The following TRERF1 variants were observed in gnomAD, a reference collection of about 807,000 sequenced individuals.
TRERF1 encodes transcriptional regulating factor 1.
In TRERF1, 27 loss-of-function variants were observed where a neutral mutation model predicts 122.9. The observed-to-expected ratio is 0.22, with a 90% CI of 0.16 to 0.30. The LOEUF (loss-of-function observed/expected upper bound fraction) is 0.30, where lower values mean the gene tolerates loss of function less well. Among genes scored for constraint, TRERF1 ranks in the 10% least tolerant of loss-of-function variants. The pLI, the probability that TRERF1 is intolerant of heterozygous loss-of-function variation, is 1.00. For synonymous variants in TRERF1, 636 were observed against 641.7 expected, an observed-to-expected ratio of 0.99 and a Z score of 0.13; for missense variants, 1,248 against 1,560.3, an observed-to-expected ratio of 0.80 and a Z score of 3.37.
At chr6:42,359,656 G>A (rs976545572) in intron 3 of TRERF1, among the ~76,000 whole-genome samples, 3 of 152,208 alleles carry the variant, frequency 2.0e-5, no homozygotes, top group South Asian at 2.1e-4. Context: ...CCTGGGAGGC[G>A]GAGGTTGCAG....
intron 2 of TRERF1, among the ~76,000 whole-genome samples, chr6:42,395,331 G>A (rs1778414040): frequency 6.6e-6 from 1 of 152,176 alleles, no homozygotes; most frequent in African/African-American, 2.4e-5. Flanking sequence ...GGTAGAGCAG[G>A]GCTAAATTCA....
At chr6:42,361,707 A>T (rs1172064258) in intron 3 of TRERF1, among the ~76,000 whole-genome samples, 6 of 152,134 alleles carry the variant, frequency 3.9e-5, no homozygotes, top group Admixed American at 3.9e-4. Flanking sequence ...CGTCCTTATA[A>T]TCCAAGTGAC....
rs1400869929 is a variant in TRERF1, at chr6:42,268,217, C to T, written c.1374G>A (p.Gly458=). Reference sequence around the variant, plus strand: ...GAGGCCCCATGTTGTTGAGGTGGATCCCACTGGGGGATAGGAGGGGGCGAT... The same window carrying T: ...GAGGCCCCATGTTGTTGAGGTGGATTCCACTGGGGGATAGGAGGGGGCGAT... Residue 458 remains glycine (G), a synonymous_variant, in exon 5 of 18, where the codon GGG becomes GGA. Transcript: ENST00000372922. The surrounding 1 kb of genome is among the most constrained non-coding windows in gnomAD (Gnocchi z 4.4). 1 of 1,480,378 alleles carries T rather than the reference C, an allele frequency of 6.8e-7. No individual in the cohort carries two copies. The highest frequency in any genetic ancestry group is 9.0e-7 in the Non-Finnish European group (1 of 1,114,802). The allele number at this position is 1,480,378 out of a possible 1,614,324, so 91.7% of individuals were successfully genotyped here.
chr6:42,286,703 A>G (rs1288079311), intron 4 of TRERF1, among the ~76,000 whole-genome samples: 91 of 102,972 alleles, frequency 8.8e-4, no homozygotes, highest in African/African-American at 3.6e-3. Flanking sequence ...GGGACTGTAA[A>G]CTAGTTCAAC....
intron 2 of TRERF1, among the ~76,000 whole-genome samples, chr6:42,405,554 G>A (rs1700730732): frequency 1.3e-5 from 2 of 152,058 alleles, no homozygotes; most frequent in African/African-American, 2.4e-5. Context: ...CAGCATTTTG[G>A]GAGGCCGAGG....
chr6:42,311,765 CAAAAAAAA>C (rs10530333), intron 3 of TRERF1, among the ~76,000 whole-genome samples: 21 of 34,594 alleles, frequency 6.1e-4, no homozygotes, highest in African/African-American at 1.6e-3. Flanking sequence ...GACTCCGTCT[CAAAAAAAA>C]AAAAAAAAAA....
At chr6:42,373,599 G>A (rs1353366789) in intron 2 of TRERF1, among the ~76,000 whole-genome samples, 8 of 152,050 alleles carry the variant, frequency 5.3e-5, no homozygotes, top group Non-Finnish European at 1.5e-5. Context: ...CCCCAGAGGC[G>A]GAGCTTGCAG....
chr6:42,424,615 G>A (rs1361012931), intron 2 of TRERF1, among the ~76,000 whole-genome samples: 1 of 152,144 alleles, frequency 6.6e-6, no homozygotes, highest in Non-Finnish European at 1.5e-5. Context: ...CAAAGCAGCT[G>A]CATCAAGTTA....
At chr6:42,257,504 C>T (rs775887092) in intron 10 of TRERF1, among the ~76,000 whole-genome samples, 39 of 152,216 alleles carry the variant, frequency 2.6e-4, no homozygotes, top group South Asian at 8.3e-4. Flanking sequence ...CCCATCCGAA[C>T]CTCACAGAGA....
intron 2 of TRERF1, among the ~76,000 whole-genome samples, chr6:42,410,359 G>C (rs972440374): frequency 6.6e-6 from 1 of 151,788 alleles, no homozygotes; most frequent in African/African-American, 2.4e-5. Flanking sequence ...ATGTTGCCCA[G>C]ACTAGTCTAG....
intron 17 of TRERF1, among the ~76,000 whole-genome samples, chr6:42,229,915 G>C (rs1471396642): frequency 6.6e-6 from 1 of 152,190 alleles, no homozygotes; most frequent in Non-Finnish European, 1.5e-5. Flanking sequence ...CAATGTTGAT[G>C]GCCGTTTCTG....
Position 42,268,169 on chromosome 6 carries a change from A to C in TRERF1, c.1422T>G (p.Ser474Arg), listed in dbSNP as rs758848114. Residue 474 changes from serine to arginine, a missense_variant, in exon 5 of 18, where the codon AGT becomes AGG. Physicochemically the swap from Ser to Arg is moderately radical, Grantham distance 110. This residue lies in a region of TRERF1 where 946 missense variants were observed against 1,073.0 expected (regional missense o/e 0.88). Transcript: ENST00000372922. This position sits in a 1 kb window ranked among gnomAD's most constrained non-coding sequence, Gnocchi z 4.4. ...GGGAGAATACCTGGGGCCACATGGC[A>C]CTGGGAGACAGCTGCTGATGCTGAG... 2.1e-6 allele frequency: 3 copies of C among 1,458,668 alleles called. No homozygotes were observed. The highest frequency in any genetic ancestry group is 1.8e-6 in the Non-Finnish European group (2 of 1,104,112). 90.4% of individuals were successfully genotyped at this position (1,458,668 alleles called of 1,614,324 possible).
In TRERF1 at chr6:42,269,619, C is replaced by A. The variant is rs769390061; in HGVS notation, c.-29G>T. 1.3e-6 allele frequency: 2 copies of A among 1,598,216 alleles called. No homozygotes were observed. The highest frequency in any genetic ancestry group is 2.2e-5 in the East Asian group (1 of 44,616). ...GTCTGCCTTGGTTGTGAACGTCCAGCCACAAAACCATAAAAAAGGTAAATA... is the reference window on the plus strand; with the variant it reads ...GTCTGCCTTGGTTGTGAACGTCCAGACACAAAACCATAAAAAAGGTAAATA... On this transcript the variant is annotated 5_prime_UTR_variant, in exon 5 of 18. Transcript: ENST00000372922. The surrounding 1 kb of genome is among the most constrained non-coding windows in gnomAD (Gnocchi z 4.9).
chr6:42,228,248 T>C lies in TRERF1; in HGVS notation c.*97A>G. ...AAATGACCACTTTTAAAACAGGTAGTTTAAAAGGGTTACAAAACAAGCAGG... is the reference window on the plus strand; with the variant it reads ...AAATGACCACTTTTAAAACAGGTAGCTTAAAAGGGTTACAAAACAAGCAGG... On this transcript the variant is annotated 3_prime_UTR_variant, in exon 18 of 18. Transcript: ENST00000372922. This position sits in a 1 kb window ranked among gnomAD's most constrained non-coding sequence, Gnocchi z 4.2. 9.1e-7 allele frequency: 1 copy of C among 1,097,122 alleles called. No homozygotes were observed. The highest frequency in any genetic ancestry group is 1.3e-6 in the Non-Finnish European group (1 of 785,936). The allele number at this position is 1,097,122 out of a possible 1,614,324, so 68.0% of individuals were successfully genotyped here.
At chr6:42,407,705 TCC>T (rs1249533789) in intron 2 of TRERF1, among the ~76,000 whole-genome samples, 14 of 150,962 alleles carry the variant, frequency 9.3e-5, no homozygotes, top group Non-Finnish European at 3.0e-5. Flanking sequence ...CTACAGAATT[TCC>T]CCCCTCCTTT....
At chr6:42,442,597 T>G (rs901462770) in intron 2 of TRERF1, among the ~76,000 whole-genome samples, 2 of 152,222 alleles carry the variant, frequency 1.3e-5, no homozygotes, top group African/African-American at 4.8e-5. Flanking sequence ...TGGCCTTCAT[T>G]ATAAGGCAGC....
intron 2 of TRERF1, among the ~76,000 whole-genome samples, chr6:42,448,792 A>G (rs559032531): frequency 1.2e-3 from 187 of 152,350 alleles, no homozygotes; most frequent in South Asian, 3.9e-3. Context: ...CACTTTACCA[A>G]TACTGTAAAC....
chr6:42,229,113 A>G (rs756329253), intron 17 of TRERF1, among the ~76,000 whole-genome samples: 28 of 152,046 alleles, frequency 1.8e-4, no homozygotes, highest in South Asian at 4.1e-4. Flanking sequence ...TCCACAGTTG[A>G]AAGTTGTTGG....
chr6:42,361,173 C>A (rs1401425392), intron 3 of TRERF1, among the ~76,000 whole-genome samples: 2 of 152,188 alleles, frequency 1.3e-5, no homozygotes, highest in African/African-American at 4.8e-5. Context: ...GAGCTCTGGT[C>A]CCTTCCATGA....
Sources: gnomAD v4.1 joint callset for allele counts (sites outside exome capture counted in the v4.1 genomes callset) on GRCh38, gnomAD v4.1.1 for gene constraint, gnomAD v4.1.1 regional missense constraint, Gnocchi (gnomAD v3.1) non-coding constraint, MANE v1.5 for transcripts, NCBI Gene and HGNC (gene_info 2026-07-23, HGNC 2026-07-21) for gene names.